Variants in ANKRD28 observed in about 807,000 individuals in gnomAD.
ANKRD28 encodes the protein ankyrin repeat domain 28.
In ANKRD28, 44 loss-of-function variants were observed where a neutral mutation model predicts 126.5. The ratio of observed to expected loss-of-function variants is 0.35; its 90% CI spans 0.27 to 0.45. The LOEUF is 0.45. ANKRD28 is among the 20% of genes least tolerant of loss of function. ANKRD28 has a pLI of 1.00. For synonymous variants in ANKRD28, 442 were observed against 468.5 expected (o/e 0.94, Z 0.73); for missense variants, 1,110 against 1,316.6 (o/e 0.84, Z 2.43).
intron 2 of ANKRD28, among the ~76,000 whole-genome samples, chr3:15,782,189 C>T (rs371747975): frequency 4.0e-4 from 61 of 152,126 alleles, no homozygotes; most frequent in African/African-American, 1.5e-3. Context: ...TCACCTCCAA[C>T]GAGAATGACG....
chr3:15,737,085 T>C lies in ANKRD28; in HGVS notation c.500A>G (p.Asp167Gly). 2 of 1,613,974 alleles carry C rather than the reference T, an allele frequency of 1.2e-6. No homozygotes were observed. Among genetic ancestry groups the C allele is most frequent in the Non-Finnish European group, 1.7e-6 (2 of 1,179,882 alleles). ...ATGTAATGCAGTCCTCCCTGCTCGA[T>C]CAGATACGTTTACATTACTCAGAAG... ...VPLLSNVNVS[D>G]RAGRTALHHA... The change falls in exon 5 of 28, where the codon GAT becomes GGT. Residue 167 changes from aspartate to glycine, a missense_variant. Asp to Gly is a moderately conservative substitution (Grantham distance 94). Transcript: ENST00000683139.
At chr3:15,779,466 C>T (rs1038007467) in intron 2 of ANKRD28, among the ~76,000 whole-genome samples, 1 of 152,122 alleles carries the variant, frequency 6.6e-6, no homozygotes, top group African/African-American at 2.4e-5. Flanking sequence ...TAATGCTAAG[C>T]CACTAGGTAG....
At chr3:15,824,853 T>C (rs1362618619) in intron 1 of ANKRD28, among the ~76,000 whole-genome samples, 1 of 152,228 alleles carries the variant, frequency 6.6e-6, no homozygotes, top group Non-Finnish European at 1.5e-5. Context: ...GGATGCAAAG[T>C]TGACCAGGAT....
intron 4 of ANKRD28, among the ~76,000 whole-genome samples, chr3:15,746,789 T>C (rs563847081): frequency 6.6e-6 from 1 of 152,322 alleles, no homozygotes; most frequent in South Asian, 2.1e-4. Context: ...CTTCCTCAAA[T>C]GTTTGATAGA....
intron 21 of ANKRD28, among the ~76,000 whole-genome samples, chr3:15,679,900 A>ATTATT (rs202108158): frequency 0.041 from 6,267 of 152,234 alleles, 424 homozygotes; most frequent in African/African-American, 0.14. Flanking sequence ...TAAATACAGC[A>ATTATT]TACCAATTAT....
At chr3:15,674,196 A>AAAAAAAAAAAAAAAAAAAAG (rs1470515364) in intron 27 of ANKRD28, among the ~76,000 whole-genome samples, 2 of 130,080 alleles carry the variant, frequency 1.5e-5, no homozygotes, top group Non-Finnish European at 3.1e-5. Context: ...AAAAAAAAAA[A>AAAAAAAAAAAAAAAAAAAAG]AAGAAGAAGA....
intron 8 of ANKRD28, among the ~76,000 whole-genome samples, chr3:15,719,169 TTTTGTCCTG>T (rs2073416184): frequency 2.0e-5 from 3 of 152,186 alleles, no homozygotes; most frequent in Admixed American, 2.0e-4. Context: ...TATGTATACA[TTTTGTCCTG>T]TAGTTGAGAG....
intron 14 of ANKRD28, among the ~76,000 whole-genome samples, chr3:15,700,920 C>T (rs1453784606): frequency 2.0e-5 from 3 of 152,068 alleles, no homozygotes; most frequent in Admixed American, 6.6e-5. Context: ...CATGGAGAAG[C>T]CAGCTAAATA....
intron 4 of ANKRD28, among the ~76,000 whole-genome samples, chr3:15,741,613 A>C (rs1330239236): frequency 6.6e-6 from 1 of 151,272 alleles, no homozygotes; most frequent in Non-Finnish European, 1.5e-5. Context: ...AGGTTAAACA[A>C]CTGTACTCAG....
At chr3:15,718,296 T>C (rs1487223270) in intron 8 of ANKRD28, among the ~76,000 whole-genome samples, 2 of 152,222 alleles carry the variant, frequency 1.3e-5, no homozygotes, top group African/African-American at 2.4e-5. Context: ...AAGATGACTT[T>C]CGTGAAATCT....
intron 5 of ANKRD28, among the ~76,000 whole-genome samples, chr3:15,736,377 A>C (rs1172062502): frequency 6.6e-6 from 1 of 152,202 alleles, no homozygotes; most frequent in East Asian, 1.9e-4. Flanking sequence ...TATCCTCTGT[A>C]GATAAGTGGG....
At position 15,853,509 on chromosome 3, in the gene ANKRD28, G is replaced by A. The variant is rs1260003119; in HGVS notation, c.27+5868C>T. On this transcript the variant is annotated intron_variant, in intron 1 of 27. Transcript: ENST00000399451. This position sits in a 1 kb window ranked among gnomAD's most constrained non-coding sequence, Gnocchi z 4.2. ...TTTTGAGATGGAGTCTCATTCTGTCGCCCAGGCTGGAGTGCAGTAGTACGA... is the reference window on the plus strand; with the variant it reads ...TTTTGAGATGGAGTCTCATTCTGTCACCCAGGCTGGAGTGCAGTAGTACGA... Among the ~76,000 whole-genome samples the A allele has an allele frequency of 4.0e-5, 6 of 151,590 alleles. No individual in the cohort carries two copies. Among genetic ancestry groups the A allele is most frequent in the East Asian group, 1.9e-4 (1 of 5,174 alleles).
At chr3:15,818,340 T>C (rs1340695530) in intron 1 of ANKRD28, among the ~76,000 whole-genome samples, 1 of 152,198 alleles carries the variant, frequency 6.6e-6, no homozygotes, top group Non-Finnish European at 1.5e-5. Flanking sequence ...ATTCCACAAA[T>C]AAGTACTTAA....
Position 15,677,514 on chromosome 3 carries a change from C to A in ANKRD28, c.2756G>T (p.Ser919Ile). Residue 919 changes from serine (S) to isoleucine (I), a missense_variant, in exon 25 of 28, where the codon AGT (serine) becomes ATT (isoleucine). By Grantham distance (142) the Ser-to-Ile change is moderately radical (BLOSUM62 -2). Coordinates refer to ENST00000683139, the MANE Select transcript of ANKRD28 (RefSeq NM_001349278.2). Reference protein sequence around the residue: ...ASAELTLQDNSKNTALHLACS... With the variant: ...ASAELTLQDNIKNTALHLACS... ...AGCCAAATGGAGGGCAGTATTTTTACTGTTATCTTGTAAAGTCAGTTCTGC... is the reference window on the plus strand; with the variant it reads ...AGCCAAATGGAGGGCAGTATTTTTAATGTTATCTTGTAAAGTCAGTTCTGC... 1 of 1,613,030 alleles carries A rather than the reference C, an allele frequency of 6.2e-7. No homozygotes were observed. Among genetic ancestry groups the A allele is most frequent in the Non-Finnish European group, 8.5e-7 (1 of 1,179,264 alleles).
chr3:15,674,240 T>G (rs2066703921), intron 27 of ANKRD28, among the ~76,000 whole-genome samples: 1 of 147,334 alleles, frequency 6.8e-6, no homozygotes, highest in South Asian at 2.2e-4. Context: ...TCTCATATAC[T>G]TTAAAAGGAT....
Position 15,814,349 on chromosome 3 carries a change from A to T in ANKRD28, c.28-19043T>A, listed in dbSNP as rs1401314608. ...AGATATCAAAAGAAAGAATACGCTGATCCTAGAAATTAAGGGCTATGTTAT... is the reference window on the plus strand; with the variant it reads ...AGATATCAAAAGAAAGAATACGCTGTTCCTAGAAATTAAGGGCTATGTTAT... On this transcript the variant is annotated intron_variant, in intron 1 of 27. Coordinates refer to the ANKRD28 transcript ENST00000399451. The surrounding 1 kb of genome is among the most constrained non-coding windows in gnomAD (Gnocchi z 4.7). 2 of 1,140,356 alleles carry T rather than the reference A, an allele frequency of 1.8e-6. No homozygotes were observed. The highest frequency in any genetic ancestry group is 2.9e-5 in the Admixed American group (1 of 34,768). The allele number at this position is 1,140,356 out of a possible 1,614,324, so 70.6% of individuals were successfully genotyped here.
At chr3:15,849,814 G>GTC (rs1411409196) in intron 1 of ANKRD28, among the ~76,000 whole-genome samples, 4 of 152,012 alleles carry the variant, frequency 2.6e-5, no homozygotes, top group Non-Finnish European at 5.9e-5. Flanking sequence ...TCTTGCTTTG[G>GTC]TCACTTCTTC....
At chr3:15,850,363 G>A (rs909871155) in intron 1 of ANKRD28, among the ~76,000 whole-genome samples, 2 of 150,642 alleles carry the variant, frequency 1.3e-5, no homozygotes, top group African/African-American at 4.9e-5. Flanking sequence ...AGCTCCCTAG[G>A]GCTAACAAAT....
At chr3:15,694,412 C>T (rs2069235237) in intron 17 of ANKRD28, among the ~76,000 whole-genome samples, 1 of 152,086 alleles carries the variant, frequency 6.6e-6, no homozygotes, top group South Asian at 2.1e-4. Flanking sequence ...AGGCATTCCA[C>T]TAGGGCAGCA....
Sources: gnomAD v4.1 joint callset for allele counts (sites outside exome capture counted in the v4.1 genomes callset) on GRCh38, gnomAD v4.1.1 for gene constraint, Gnocchi (gnomAD v3.1) non-coding constraint, MANE v1.5 for transcripts, NCBI Gene and HGNC (gene_info 2026-07-23, HGNC 2026-07-21) for gene names.